VPS39: variants seen among roughly 807,000 people sequenced by gnomAD.
VPS39 encodes vam6/Vps39-like protein.
A neutral mutation model predicts 121.0 loss-of-function variants in VPS39; 70 were observed. The ratio of observed to expected loss-of-function variants is 0.58; its 90% CI spans 0.48 to 0.71. VPS39 has a LOEUF of 0.71. Ranked by LOEUF, VPS39 falls within the 30% of genes least tolerant of loss-of-function variation. VPS39 has a pLI of 0.00. For synonymous variants in VPS39, 378 were observed against 398.1 expected, an observed-to-expected ratio of 0.95 and a Z score of 0.60; for missense variants, 818 against 1,051.5, an observed-to-expected ratio of 0.78 and a Z score of 3.07.
chr15:42,206,795 G>C (rs1231247587), intron 1 of VPS39, among the ~76,000 whole-genome samples: 1 of 152,220 alleles, frequency 6.6e-6, no homozygotes, highest in Non-Finnish European at 1.5e-5. Flanking sequence ...CAAGCAAAGA[G>C]AATGGCCCGT....
In VPS39 at chr15:42,173,709, TCAC is replaced by T. The variant is rs1191949732; in HGVS notation, c.1090+11_1090+13del. 16 of 1,613,462 alleles carry T rather than the reference TCAC, an allele frequency of 9.9e-6. No homozygotes were observed. Among genetic ancestry groups the T allele is most frequent in the Non-Finnish European group, 1.4e-5 (16 of 1,179,650 alleles). On this transcript the variant is annotated intron_variant, in intron 11 of 24. Transcript: ENST00000318006. ...TCCATTAGTCCCTTATATAAAGGCC[TCAC>T]CACTTGTTACCTGTGCCAAGTTTAG...
chr15:42,197,223 G>A (rs1478932277), intron 2 of VPS39, among the ~76,000 whole-genome samples: 14 of 150,870 alleles, frequency 9.3e-5, no homozygotes, highest in Non-Finnish European at 3.0e-5. Flanking sequence ...TATACCTAAC[G>A]TAAATGACGA....
chr15:42,190,862 T>A (rs1479849328), intron 4 of VPS39, among the ~76,000 whole-genome samples: 1 of 152,196 alleles, frequency 6.6e-6, no homozygotes, highest in East Asian at 1.9e-4. Context: ...ATCCCGAATG[T>A]CTAGTCCAGA....
intron 1 of VPS39, among the ~76,000 whole-genome samples, chr15:42,202,265 A>T (rs2050083192): frequency 6.6e-6 from 1 of 152,254 alleles, no homozygotes; most frequent in Admixed American, 6.5e-5. Flanking sequence ...TTAGTCATCC[A>T]GAAAAACAGA....
At chr15:42,164,661 A>G (rs2049206722) in intron 18 of VPS39, 175 bp from the exon 19 acceptor site, 1 of 1,434,576 alleles carries the variant, frequency 7.0e-7, no homozygotes, top group Non-Finnish European at 9.1e-7. Flanking sequence ...GCCCCAAAAC[A>G]TCAGCTTACG....
chr15:42,169,994 T>G, intron 11 of VPS39, 128 bp from the exon 12 acceptor site: 3 of 1,053,078 alleles, frequency 2.8e-6, no homozygotes, highest in Non-Finnish European at 3.9e-6. Flanking sequence ...GACTCTCAGT[T>G]CATAAACATT....
intron 11 of VPS39, among the ~76,000 whole-genome samples, chr15:42,170,433 G>T (rs1358364466): frequency 1.3e-5 from 2 of 152,162 alleles, no homozygotes; most frequent in Non-Finnish European, 2.9e-5. Context: ...AGCCCAGGAG[G>T]TCGAGGCTGC....
At chr15:42,199,325 TCA>T (rs760348313) in intron 2 of VPS39, among the ~76,000 whole-genome samples, 6 of 152,190 alleles carry the variant, frequency 3.9e-5, no homozygotes, top group Non-Finnish European at 8.8e-5. Context: ...ACTTTAGTTT[TCA>T]CAGTTTCTTC....
chr15:42,177,357 T>C (rs1210357276), intron 10 of VPS39, among the ~76,000 whole-genome samples: 2 of 152,020 alleles, frequency 1.3e-5, no homozygotes, highest in Non-Finnish European at 2.9e-5. Context: ...GACATCAACA[T>C]TGGAACAAGA....
intron 6 of VPS39, 30 bp downstream of exon 6, chr15:42,187,728 C>T (rs1566904482): frequency 6.2e-7 from 1 of 1,609,388 alleles, no homozygotes; most frequent in East Asian, 2.2e-5. Flanking sequence ...AGCTCCCACC[C>T]AACCATGGAC....
In VPS39 at chr15:42,208,146, T is replaced by C; in HGVS notation, c.8A>G (p.Asp3Gly). 1.3e-6 allele frequency: 2 copies of C among 1,573,050 alleles called. No homozygotes were observed. Among genetic ancestry groups the C allele is most frequent in the Non-Finnish European group, 1.7e-6 (2 of 1,159,242 alleles). The change falls in exon 1 of 25, where the codon GAC becomes GGC. Residue 3 changes from aspartate to glycine, a missense_variant. Asp to Gly is a moderately conservative substitution (Grantham distance 94). Transcript: ENST00000318006. Reference sequence around the variant, plus strand: ...TAGGATCGGCACTGGCTCGAAAGCGTCGTGCATGGCGGCAAGGGGAGAGTT... The same window carrying C: ...TAGGATCGGCACTGGCTCGAAAGCGCCGTGCATGGCGGCAAGGGGAGAGTT... MH[D>G]AFEPVPILEK...
intron 2 of VPS39, chr15:42,192,200 T>A: frequency 9.0e-7 from 1 of 1,110,396 alleles, no homozygotes; most frequent in Non-Finnish European, 1.3e-6. Context: ...CACCAATGAG[T>A]CAAAAAGAGA....
chr15:42,191,803 G>C (rs2049833439), intron 2 of VPS39, among the ~76,000 whole-genome samples: 1 of 152,170 alleles, frequency 6.6e-6, no homozygotes, highest in Non-Finnish European at 1.5e-5. Flanking sequence ...ATCACACAAA[G>C]TTCACTGAAG....
At chr15:42,167,672 A>C in intron 12 of VPS39, 135 bp from the exon 13 acceptor site, 1 of 1,132,352 alleles carries the variant, frequency 8.8e-7, no homozygotes, top group East Asian at 2.4e-5. Context: ...GATTTTTAGC[A>C]CTGCCAAATT....
At chr15:42,208,046 T>G (rs1350718784) in intron 1 of VPS39, 35 bp downstream of exon 1, 10 of 1,556,036 alleles carry the variant, frequency 6.4e-6, no homozygotes, top group Non-Finnish European at 7.0e-6. Flanking sequence ...GCTCCTGTGC[T>G]GACTCCGCCT....
chr15:42,187,104 T>C (rs1595669902), intron 7 of VPS39, among the ~76,000 whole-genome samples, 167 bp downstream of exon 7: 1 of 152,116 alleles, frequency 6.6e-6, no homozygotes, highest in Admixed American at 6.5e-5. Flanking sequence ...TACAAAGATA[T>C]CCTATTTGTG....
At chr15:42,185,726 C>A (rs1467451045) in intron 7 of VPS39, among the ~76,000 whole-genome samples, 1 of 152,100 alleles carries the variant, frequency 6.6e-6, no homozygotes, top group Non-Finnish European at 1.5e-5. Context: ...TACCAGAGGT[C>A]TAGGAACAGA....
intron 1 of VPS39, among the ~76,000 whole-genome samples, chr15:42,207,751 C>T (rs2050205535): frequency 6.6e-6 from 1 of 152,210 alleles, no homozygotes; most frequent in South Asian, 2.1e-4. Flanking sequence ...ACTGCTTTGA[C>T]CCTCTAAAAT....
Position 42,178,327 on chromosome 15 carries a change from A to T in VPS39, c.851T>A (p.Ile284Asn), listed in dbSNP as rs1442753929. The change falls in exon 10 of 25, where the codon ATC becomes AAC. Residue 284 changes from isoleucine (I) to asparagine (N), a missense_variant. By Grantham distance (149) the Ile-to-Asn change is moderately radical (BLOSUM62 -3). Coordinates refer to ENST00000318006, the MANE Select transcript of VPS39 (RefSeq NM_015289.5). ...RFITSGGSNI[I>N]YVASNHFVWR... The stretch of plus-strand genomic sequence containing the variant: ...AACAAAATGATTGCTGGCCACATAG[A>T]TAATGTTTGATCTGGAAGCAAGAGT... 4.3e-6 allele frequency: 7 copies of T among 1,614,106 alleles called. No individual in the cohort carries two copies. Among genetic ancestry groups the T allele is most frequent in the African/African-American group, 1.3e-5 (1 of 74,930 alleles).
Sources: allele counts gnomAD v4.1 joint callset (sites outside exome capture counted in the v4.1 genomes callset), GRCh38; gene constraint gnomAD v4.1.1; transcripts MANE v1.5; gene names NCBI Gene and HGNC (gene_info 2026-07-23, HGNC 2026-07-21).